TMEM117: variants seen among roughly 807,000 people sequenced by gnomAD.
The protein encoded by TMEM117 is transmembrane protein 117.
A neutral mutation model predicts 52.4 loss-of-function variants in TMEM117; 27 were observed. That is an observed-to-expected ratio of 0.51 (90% confidence interval 0.38 to 0.71). The LOEUF (loss-of-function observed/expected upper bound fraction) is 0.71. Among genes scored for constraint, TMEM117 ranks in the 30% least tolerant of loss-of-function variants. The pLI is 0.00. For synonymous variants in TMEM117, 215 were observed against 206.3 expected, an observed-to-expected ratio of 1.04 and a Z score of -0.36; for missense variants, 556 against 630.5, an observed-to-expected ratio of 0.88 and a Z score of 1.26.
chr12:44,282,309 A>C (rs1357256257), intron 5 of TMEM117, among the ~76,000 whole-genome samples: 2 of 152,168 alleles, frequency 1.3e-5, no homozygotes, highest in Non-Finnish European at 2.9e-5. Flanking sequence ...TGTGGAAATG[A>C]CTTTGGAACT....
the TMEM117 span, chr12:43,806,132 G>T: frequency 1.3e-6 from 2 of 1,527,786 alleles, no homozygotes; most frequent in South Asian, 2.4e-5. Context: ...CTCCCGGCCC[G>T]ACTCCAGCCC....
At chr12:43,938,485 A>C (rs991635312) in intron 2 of TMEM117, among the ~76,000 whole-genome samples, 1 of 152,014 alleles carries the variant, frequency 6.6e-6, no homozygotes, top group Non-Finnish European at 1.5e-5. Flanking sequence ...TCTTGGGACA[A>C]CAAAGGGTGT....
At chr12:44,264,199 T>A (rs1054159277) in intron 5 of TMEM117, among the ~76,000 whole-genome samples, 5 of 152,238 alleles carry the variant, frequency 3.3e-5, no homozygotes, top group Non-Finnish European at 7.3e-5. Context: ...ATTTGATCAT[T>A]GTTTTTCATC....
At chr12:44,357,354 T>C (rs1435663727) in intron 6 of TMEM117, among the ~76,000 whole-genome samples, 1 of 152,094 alleles carries the variant, frequency 6.6e-6, no homozygotes, top group East Asian at 1.9e-4. Flanking sequence ...AGAAAGGTAT[T>C]AGCAATTCTC....
intron 3 of TMEM117, among the ~76,000 whole-genome samples, chr12:44,140,940 C>G (rs1948562085): frequency 6.6e-6 from 1 of 152,116 alleles, no homozygotes; most frequent in African/African-American, 2.4e-5. Context: ...AGGCAACCAG[C>G]TGTGTGTCAT....
intron 2 of TMEM117, among the ~76,000 whole-genome samples, chr12:43,942,619 T>TC (rs1162638196): frequency 6.6e-6 from 1 of 151,930 alleles, no homozygotes; most frequent in Non-Finnish European, 1.5e-5. Context: ...TCCTCCCCGC[T>TC]CTTTTTTTTT....
At chr12:43,964,182 G>C (rs1439697061) in intron 3 of TMEM117, among the ~76,000 whole-genome samples, 1 of 152,124 alleles carries the variant, frequency 6.6e-6, no homozygotes, top group African/African-American at 2.4e-5. Context: ...AGCTCTCGGG[G>C]AGGTCTCAGA....
intron 6 of TMEM117, among the ~76,000 whole-genome samples, chr12:44,339,568 A>G (rs1487869256): frequency 6.6e-6 from 1 of 152,102 alleles, no homozygotes; most frequent in Non-Finnish European, 1.5e-5. Context: ...TGGTTATAAC[A>G]TTAATATACT....
chr12:44,184,717 G>T (rs1422935264), intron 4 of TMEM117, among the ~76,000 whole-genome samples: 1 of 152,146 alleles, frequency 6.6e-6, no homozygotes, highest in Non-Finnish European at 1.5e-5. Flanking sequence ...AAGGAACTCA[G>T]CTCTGCTTAT....
intron 5 of TMEM117, among the ~76,000 whole-genome samples, chr12:44,279,971 C>A (rs898746639): frequency 6.6e-6 from 1 of 152,134 alleles, no homozygotes; most frequent in African/African-American, 2.4e-5. Context: ...TACTGGTTTT[C>A]TCTGGATTTC....
intron 3 of TMEM117, among the ~76,000 whole-genome samples, chr12:44,086,538 T>C (rs1947570188): frequency 6.6e-6 from 1 of 152,076 alleles, no homozygotes; most frequent in Non-Finnish European, 1.5e-5. Flanking sequence ...CCTGCCTCCA[T>C]TGTACTTTGG....
chr12:44,247,527 G>A (rs1023404535), intron 5 of TMEM117, among the ~76,000 whole-genome samples: 3 of 152,172 alleles, frequency 2.0e-5, no homozygotes, highest in Admixed American at 1.3e-4. Flanking sequence ...ATCAATTGGA[G>A]TATTTACCAT....
chr12:44,136,197 G>C (rs568009149), intron 3 of TMEM117, among the ~76,000 whole-genome samples: 1 of 152,188 alleles, frequency 6.6e-6, no homozygotes, highest in South Asian at 2.1e-4. Context: ...GGGATTTATT[G>C]GGGTTCTCTT....
At chr12:44,189,159 T>C (rs1284489148) in intron 4 of TMEM117, among the ~76,000 whole-genome samples, 1 of 152,200 alleles carries the variant, frequency 6.6e-6, no homozygotes, top group Non-Finnish European at 1.5e-5. Flanking sequence ...CAATATGTCT[T>C]ATTTCTTTTA....
intron 4 of TMEM117, among the ~76,000 whole-genome samples, chr12:44,198,787 G>A (rs1949454049): frequency 6.6e-6 from 1 of 152,040 alleles, no homozygotes; most frequent in South Asian, 2.1e-4. Flanking sequence ...CTTCCTGCTG[G>A]TACCAAAGGA....
chr12:43,906,787 C>G (rs141608135), intron 2 of TMEM117, among the ~76,000 whole-genome samples: 4 of 150,968 alleles, frequency 2.6e-5, no homozygotes, highest in African/African-American at 9.8e-5. Context: ...ACTTTTCCGA[C>G]AGGCTTAAAA....
At chr12:44,097,562 G>T (rs922602476) in intron 3 of TMEM117, among the ~76,000 whole-genome samples, 1 of 151,998 alleles carries the variant, frequency 6.6e-6, no homozygotes, top group Non-Finnish European at 1.5e-5. Flanking sequence ...CATGTTCTTT[G>T]TAGGGACATG....
At chr12:44,055,043 T>A (rs988925819) in intron 3 of TMEM117, among the ~76,000 whole-genome samples, 6 of 152,200 alleles carry the variant, frequency 3.9e-5, no homozygotes, top group Admixed American at 3.9e-4. Context: ...ATTTATTACA[T>A]GTTTATTACT....
the TMEM117 span, among the ~76,000 whole-genome samples, chr12:43,815,230 TC>T: frequency 6.6e-6 from 1 of 152,232 alleles, no homozygotes. Context: ...AGTAAATAGT[TC>T]TTGTTATTAT....
Sources: gnomAD v4.1 joint callset for allele counts (sites outside exome capture counted in the v4.1 genomes callset) on GRCh38, gnomAD v4.1.1 for gene constraint, MANE v1.5 for transcripts, NCBI Gene and HGNC (gene_info 2026-07-23, HGNC 2026-07-21) for gene names.